Variants in KCNQ1 observed in about 807,000 individuals in gnomAD.
The protein encoded by KCNQ1 is potassium voltage-gated channel subfamily Q member 1.
KCNQ1 carries 49 observed loss-of-function variants against 72.4 expected under a neutral mutation model. That is an observed-to-expected ratio of 0.68 (90% CI 0.54 to 0.86). The LOEUF (loss-of-function observed/expected upper bound fraction) is 0.86, where lower values mean the gene tolerates loss of function less well. KCNQ1 is among the 40% of genes least tolerant of loss of function. The pLI is 0.00. For synonymous variants in KCNQ1, 450 were observed against 412.6 expected (o/e 1.09, Z -1.10); for missense variants, 790 against 945.1 (o/e 0.84, Z 2.15).
In KCNQ1 at chr11:2,815,651, C is replaced by A. The variant is rs565641416; in HGVS notation, c.1795-32116C>A. 6.6e-6 allele frequency among the ~76,000 whole-genome samples: 1 copy of A among 152,130 alleles called. No homozygotes were observed. Among genetic ancestry groups the A allele is most frequent in the Non-Finnish European group, 1.5e-5 (1 of 68,004 alleles). ...GCAGGGGGGCAGGCACCATCGCCCC[C>A]AGCCCCAGGCTGACCCCAGTCCCTC... is the stretch of plus-strand genomic sequence containing the variant. On this transcript the variant is annotated intron_variant, in intron 15 of 15. Transcript: ENST00000155840. This position sits in a 1 kb window ranked among gnomAD's most constrained non-coding sequence, Gnocchi z 5.4.
intron 1 of KCNQ1, among the ~76,000 whole-genome samples, chr11:2,470,067 C>T (rs1243775803): frequency 6.6e-6 from 1 of 151,830 alleles, no homozygotes; most frequent in African/African-American, 2.4e-5. Flanking sequence ...CTCAAGCCAT[C>T]CTCCCGTCTC....
chr11:2,664,712 G>T lies in KCNQ1; in HGVS notation c.1514+2631G>T, dbSNP rs553777471. On this transcript the variant is annotated intron_variant, in intron 11 of 15. Coordinates refer to ENST00000155840, the MANE Select transcript of KCNQ1 (RefSeq NM_000218.3). This position sits in a 1 kb window ranked among gnomAD's most constrained non-coding sequence, Gnocchi z 5.1. The stretch of plus-strand genomic sequence containing the variant: ...CATGGACCCTGAACTGGGAAGAGAG[G>T]CACACGCCCTGGTGTGTGTGAGGGA... 2.1e-3 allele frequency: 838 copies of T among 398,728 alleles called. 8 individuals are homozygous for T. The highest frequency in any genetic ancestry group is 2.7e-3 in the Non-Finnish European group (616 of 226,158). The allele number at this position is 398,728 out of a possible 1,614,324, so 24.7% of individuals were successfully genotyped here. A position where few individuals can be genotyped will look rare whatever the true frequency, so the allele number is the denominator to read the frequency against.
Position 2,651,851 on chromosome 11 carries a change from C to T in KCNQ1, c.1394-10110C>T, listed in dbSNP as rs1849760979. The T allele has an allele frequency of 2.5e-6, 1 of 398,674 alleles. No homozygotes were observed. The highest frequency in any genetic ancestry group is 2.1e-5 in the African/African-American group (1 of 48,752). 24.7% of individuals were successfully genotyped at this position (398,674 alleles called of 1,614,324 possible). A position where few individuals can be genotyped will look rare whatever the true frequency, so the allele number is the denominator to read the frequency against. ...GGACCATACCAGACAGATGCCACCA[C>T]ATCTTTTCTTGAAGTAGTGTTCAGG... is the stretch of plus-strand genomic sequence containing the variant. On this transcript the variant is annotated intron_variant, in intron 10 of 15. Transcript: ENST00000155840. This position sits in a 1 kb window ranked among gnomAD's most constrained non-coding sequence, Gnocchi z 6.1.
Position 2,624,788 on chromosome 11 carries a change from G to A in KCNQ1, c.1393+35934G>A, listed in dbSNP as rs888775319. On this transcript the variant is annotated intron_variant, in intron 10 of 15. Coordinates refer to ENST00000155840, the MANE Select transcript of KCNQ1 (RefSeq NM_000218.3). The surrounding 1 kb of genome is among the most constrained non-coding windows in gnomAD (Gnocchi z 4.9). ...TTGGAAACCACCTTGTACTTTCTAT[G>A]TCTCTGATTTGACTATTCTACATAC... is the stretch of plus-strand genomic sequence containing the variant. The A allele has an allele frequency of 2.5e-6, 1 of 398,362 alleles. No homozygotes were observed. Among genetic ancestry groups the A allele is most frequent in the Non-Finnish European group, 4.4e-6 (1 of 226,002 alleles). 24.7% of individuals were successfully genotyped at this position (398,362 alleles called of 1,614,324 possible).
intron 10 of KCNQ1, among the ~76,000 whole-genome samples, chr11:2,596,526 C>T (rs566282577): frequency 6.6e-6 from 1 of 151,826 alleles, no homozygotes; most frequent in African/African-American, 2.4e-5. Context: ...AAGGAATGAA[C>T]CACTGATATG....
chr11:2,655,116 G>A (rs533116714), intron 10 of KCNQ1: 155 of 398,446 alleles, frequency 3.9e-4, no homozygotes, highest in African/African-American at 2.9e-3. Context: ...TCCCCCTATC[G>A]AGCAGGACCA....
At chr11:2,699,598 G>A (rs1259912004) in intron 11 of KCNQ1, 2 of 352,020 alleles carry the variant, frequency 5.7e-6, no homozygotes, top group Admixed American at 4.8e-5. Context: ...ACAGAACCGC[G>A]GCGAGAGGCC....
At chr11:2,622,465 C>G in intron 10 of KCNQ1, 1 of 398,386 alleles carries the variant, frequency 2.5e-6, no homozygotes, top group East Asian at 3.6e-5. Context: ...TTGTTATATA[C>G]AGCATAGGTT....
At chr11:2,528,097 GGT>G (rs1564807306) in intron 2 of KCNQ1, 79 bp downstream of exon 2, 6 of 1,199,750 alleles carry the variant, frequency 5.0e-6, no homozygotes, top group South Asian at 1.2e-5. Flanking sequence ...GGCCCCATAA[GGT>G]GGGGGGCAGA....
chr11:2,662,435 G>A (rs1849978389), intron 11 of KCNQ1: 1 of 502,548 alleles, frequency 2.0e-6, no homozygotes, highest in Non-Finnish European at 3.5e-6. Context: ...TTTCCCCATG[G>A]AACCCTGGCC....
At chr11:2,616,599 T>G (rs1054800045) in intron 10 of KCNQ1, 11 of 398,064 alleles carry the variant, frequency 2.8e-5, no homozygotes, top group Non-Finnish European at 4.9e-5. Context: ...CATTTTCACT[T>G]TTTGAAAGTA....
intron 2 of KCNQ1, among the ~76,000 whole-genome samples, chr11:2,529,675 C>G (rs1042359190): frequency 6.6e-6 from 1 of 152,190 alleles, no homozygotes; most frequent in South Asian, 2.1e-4. Flanking sequence ...TGCTACTTCT[C>G]GTGACTGTGG....
In KCNQ1 at chr11:2,550,293, G is replaced by A. The variant is rs561775561; in HGVS notation, c.478-20335G>A. Among the ~76,000 whole-genome samples the A allele has an allele frequency of 3.0e-4, 46 of 152,134 alleles. No individual in the cohort carries two copies. The highest frequency in any genetic ancestry group is 5.3e-4 in the Non-Finnish European group (36 of 68,018). ...CTTTGCAGTTGCAGAGCCGTGGCGC[G>A]GCGCCTGGATTTCCGACACACTGCA... On this transcript the variant is annotated intron_variant, in intron 2 of 15. Coordinates refer to ENST00000155840, the MANE Select transcript of KCNQ1 (RefSeq NM_000218.3). This position sits in a 1 kb window ranked among gnomAD's most constrained non-coding sequence, Gnocchi z 6.0.
In KCNQ1 at chr11:2,592,965, G is replaced by C. The variant is rs1456559043; in HGVS notation, c.1393+4111G>C. On this transcript the variant is annotated intron_variant, in intron 10 of 15. Transcript: ENST00000155840. This position sits in a 1 kb window ranked among gnomAD's most constrained non-coding sequence, Gnocchi z 5.2. ...TGGAACTGTCTTTCCTGGATCCCAG[G>C]AGTCCTGAAGGAGCCGCCTCCATCC... is the stretch of plus-strand genomic sequence containing the variant. Among the ~76,000 whole-genome samples, 1 of 152,158 alleles carries C rather than the reference G, an allele frequency of 6.6e-6. No individual in the cohort carries two copies. The highest frequency in any genetic ancestry group is 1.5e-5 in the Non-Finnish European group (1 of 68,014).
chr11:2,596,621 A>G (rs1442431355), intron 10 of KCNQ1, among the ~76,000 whole-genome samples: 2 of 152,054 alleles, frequency 1.3e-5, no homozygotes, highest in Admixed American at 6.5e-5. Context: ...TATCTTATTT[A>G]TGTAAAAATC....
In KCNQ1 at chr11:2,698,791, A is replaced by T. The variant is rs193238249; in HGVS notation, c.1514+36710A>T. ...CTCCAGACCGGGATTCAGGTCCCCAACTCAGACTCCCGATCCTCTGTCCCT... is the reference window on the plus strand; with the variant it reads ...CTCCAGACCGGGATTCAGGTCCCCATCTCAGACTCCCGATCCTCTGTCCCT... On this transcript the variant is annotated intron_variant, in intron 11 of 15. Transcript: ENST00000155840. This position sits in a 1 kb window ranked among gnomAD's most constrained non-coding sequence, Gnocchi z 5.1. The T allele has an allele frequency of 2.5e-6, 1 of 398,652 alleles. No individual in the cohort carries two copies. The highest frequency in any genetic ancestry group is 3.6e-5 in the East Asian group (1 of 28,052). 24.7% of individuals were successfully genotyped at this position (398,652 alleles called of 1,614,324 possible). A position where few individuals can be genotyped will look rare whatever the true frequency, so the allele number is the denominator to read the frequency against.
In KCNQ1 at chr11:2,746,824, TAG is replaced by T. The variant is rs2133958340; in HGVS notation, c.1515-22014_1515-22013del. 6.6e-6 allele frequency among the ~76,000 whole-genome samples: 1 copy of T among 152,298 alleles called. No individual in the cohort carries two copies. The highest frequency in any genetic ancestry group is 6.5e-5 in the Admixed American group (1 of 15,306). ...CCGCCAGCATTTGGCTCTGGGGCCCTAGAGAGACCCTGGGATGTGGATCACAC... is the reference window on the plus strand; with the variant it reads ...CCGCCAGCATTTGGCTCTGGGGCCCTAGAGACCCTGGGATGTGGATCACAC... On this transcript the variant is annotated intron_variant, in intron 11 of 15. Transcript: ENST00000155840. This position sits in a 1 kb window ranked among gnomAD's most constrained non-coding sequence, Gnocchi z 5.9.
At chr11:2,597,485 C>A (rs1412522467) in intron 10 of KCNQ1, among the ~76,000 whole-genome samples, 2 of 152,172 alleles carry the variant, frequency 1.3e-5, no homozygotes, top group Non-Finnish European at 2.9e-5. Context: ...GCCATCAAAA[C>A]TGTGAAGCTT....
At chr11:2,842,920 T>C (rs1021501854) in intron 15 of KCNQ1, among the ~76,000 whole-genome samples, 12 of 151,956 alleles carry the variant, frequency 7.9e-5, no homozygotes, top group Non-Finnish European at 1.6e-4. Context: ...GAAACTGAGG[T>C]TCAGAGAAGC....
Sources: gnomAD v4.1 joint callset for allele counts (sites outside exome capture counted in the v4.1 genomes callset) on GRCh38, gnomAD v4.1.1 for gene constraint, Gnocchi (gnomAD v3.1) non-coding constraint, MANE v1.5 for transcripts, NCBI Gene and HGNC (gene_info 2026-07-23, HGNC 2026-07-21) for gene names.